B3GALT1: variants seen among roughly 807,000 people sequenced by gnomAD.
B3GALT1 encodes beta-1,3-galactosyltransferase 1.
In B3GALT1, 10 loss-of-function variants were observed where a neutral mutation model predicts 23.2. The ratio of observed to expected loss-of-function variants is 0.43; its 90% CI spans 0.27 to 0.73. The LOEUF is 0.73. Among genes scored for constraint, B3GALT1 ranks in the 30% least tolerant of loss-of-function variants. The pLI, the probability that B3GALT1 is intolerant of heterozygous loss-of-function variation, is 0.21. For missense variants in B3GALT1, 299 were observed against 405.4 expected (o/e 0.74, Z 2.25); for synonymous variants, 156 against 141.5 (o/e 1.10, Z -0.73).
intron 2 of B3GALT1, among the ~76,000 whole-genome samples, chr2:167,521,042 T>A (rs1371216769): frequency 6.6e-6 from 1 of 152,084 alleles, no homozygotes; most frequent in African/African-American, 2.4e-5. Flanking sequence ...TTGCAACATC[T>A]TCTTTTTCCT....
At chr2:167,861,384 C>G (rs1246676171) in intron 4 of B3GALT1, among the ~76,000 whole-genome samples, 1 of 152,126 alleles carries the variant, frequency 6.6e-6, no homozygotes. Flanking sequence ...CTATAGCAAA[C>G]TAATACAGTG....
intron 1 of B3GALT1, among the ~76,000 whole-genome samples, chr2:167,449,216 A>G (rs1235102250): frequency 1.3e-5 from 2 of 151,920 alleles, no homozygotes; most frequent in Admixed American, 6.6e-5. Context: ...TAGTGATTCT[A>G]CCCATCCATG....
intron 4 of B3GALT1, among the ~76,000 whole-genome samples, chr2:167,856,691 A>G (rs1690006051): frequency 1.3e-5 from 2 of 152,226 alleles, no homozygotes. Flanking sequence ...TGAGAATAGC[A>G]TCAAGTGCCA....
intron 1 of B3GALT1, among the ~76,000 whole-genome samples, chr2:167,337,584 TA>T (rs113747309): frequency 1.7e-4 from 26 of 149,200 alleles, no homozygotes; most frequent in South Asian, 6.4e-4. Context: ...TGCTAACAGT[TA>T]AAAAAAAAAC....
At chr2:167,477,473 A>G (rs900417237) in intron 1 of B3GALT1, among the ~76,000 whole-genome samples, 27 of 152,368 alleles carry the variant, frequency 1.8e-4, no homozygotes, top group Non-Finnish European at 3.5e-4. Flanking sequence ...AAATTAGGTG[A>G]TTAGACAGAA....
rs140658276 is a variant in B3GALT1, at chr2:167,331,268, G to A, written c.-511+37934G>A. Among the ~76,000 whole-genome samples, 784 of 152,274 alleles carry A rather than the reference G, an allele frequency of 5.1e-3. 9 individuals are homozygous for A. The highest frequency in any genetic ancestry group is 0.031 in the Admixed American group (480 of 15,300). On this transcript the variant is annotated intron_variant, in intron 1 of 4. Transcript: ENST00000392690. ...AACATGCTTGCCCTTGAGCCCCATG[G>A]CAGCATATTGCTGGTGATGATGCCA... is the stretch of plus-strand genomic sequence containing the variant.
intron 1 of B3GALT1, among the ~76,000 whole-genome samples, chr2:167,336,410 G>T (rs1559068871): frequency 6.6e-6 from 1 of 152,126 alleles, no homozygotes; most frequent in Non-Finnish European, 1.5e-5. Flanking sequence ...GTAATTAGTT[G>T]TCATTCAAAT....
At chr2:167,453,354 T>G (rs554577231) in intron 1 of B3GALT1, among the ~76,000 whole-genome samples, 14 of 152,370 alleles carry the variant, frequency 9.2e-5, no homozygotes, top group African/African-American at 3.4e-4. Flanking sequence ...ATTTAAAACA[T>G]AGTTTCAACA....
At chr2:167,620,653 A>C (rs1685239061) in intron 2 of B3GALT1, among the ~76,000 whole-genome samples, 1 of 152,078 alleles carries the variant, frequency 6.6e-6, no homozygotes, top group East Asian at 1.9e-4. Flanking sequence ...TGAGTCACCC[A>C]ATCAATGCGC....
At chr2:167,588,840 TC>T (rs1684622515) in intron 2 of B3GALT1, among the ~76,000 whole-genome samples, 3 of 131,070 alleles carry the variant, frequency 2.3e-5, no homozygotes, top group East Asian at 3.0e-4. Flanking sequence ...CTTCCTTCCT[TC>T]CTTCTTTCCT....
intron 1 of B3GALT1, among the ~76,000 whole-genome samples, chr2:167,474,132 C>A (rs952346134): frequency 3.3e-5 from 5 of 152,184 alleles, no homozygotes; most frequent in African/African-American, 1.2e-4. Flanking sequence ...GTAGATGCAG[C>A]TGTGTCTATA....
intron 1 of B3GALT1, among the ~76,000 whole-genome samples, chr2:167,450,104 C>T (rs1045095329): frequency 2.0e-5 from 3 of 152,118 alleles, no homozygotes; most frequent in African/African-American, 7.2e-5. Context: ...TTACCAGCTT[C>T]ACAGAATGAT....
At chr2:167,668,262 C>T (rs758865442) in intron 3 of B3GALT1, among the ~76,000 whole-genome samples, 2 of 152,028 alleles carry the variant, frequency 1.3e-5, no homozygotes, top group East Asian at 1.9e-4. Flanking sequence ...TTAGGCTTCT[C>T]GGAGGTCAGG....
At chr2:167,781,867 G>T (rs111760451) in intron 3 of B3GALT1, among the ~76,000 whole-genome samples, 23,021 of 152,154 alleles carry the variant, frequency 0.15, 2,104 homozygotes, top group South Asian at 0.21. Flanking sequence ...TCAGCCTCCT[G>T]AGTAGCTGGG....
intron 3 of B3GALT1, among the ~76,000 whole-genome samples, chr2:167,786,835 A>C (rs1162182689): frequency 6.6e-6 from 1 of 152,106 alleles, no homozygotes; most frequent in East Asian, 1.9e-4. Context: ...ATATCTGACG[A>C]GCTTGGCACA....
chr2:167,375,739 G>T (rs1428931704), intron 1 of B3GALT1, among the ~76,000 whole-genome samples: 1 of 152,136 alleles, frequency 6.6e-6, no homozygotes, highest in African/African-American at 2.4e-5. Flanking sequence ...TAGCCTTTTG[G>T]CAGAGTCCTT....
At chr2:167,432,589 G>A (rs937043970) in intron 1 of B3GALT1, among the ~76,000 whole-genome samples, 3 of 152,164 alleles carry the variant, frequency 2.0e-5, no homozygotes, top group Non-Finnish European at 4.4e-5. Flanking sequence ...CAGCATGAAA[G>A]TAGAAAATGA....
chr2:167,678,423 G>A (rs1476345208), intron 3 of B3GALT1, among the ~76,000 whole-genome samples: 1 of 152,192 alleles, frequency 6.6e-6, no homozygotes, highest in Non-Finnish European at 1.5e-5. Flanking sequence ...GGAAGTGGGA[G>A]CATCACAATC....
intron 1 of B3GALT1, among the ~76,000 whole-genome samples, chr2:167,446,996 T>C (rs1699007712): frequency 6.6e-6 from 1 of 152,238 alleles, no homozygotes; most frequent in South Asian, 2.1e-4. Context: ...TGTGGTTTTA[T>C]CTACCTTTGG....
Sources: allele counts gnomAD v4.1 joint callset (sites outside exome capture counted in the v4.1 genomes callset), GRCh38; gene constraint gnomAD v4.1.1; transcripts MANE v1.5; gene names NCBI Gene and HGNC (gene_info 2026-07-23, HGNC 2026-07-21).